Variants in PTPRU observed in about 807,000 individuals in gnomAD.
PTPRU encodes receptor-type tyrosine-protein phosphatase U.
In PTPRU, 69 loss-of-function variants were observed where a neutral mutation model predicts 166.3. The observed-to-expected ratio is 0.41, with a 90% confidence interval of 0.34 to 0.51. The LOEUF (loss-of-function observed/expected upper bound fraction) is 0.51, where lower values mean the gene tolerates loss of function less well. Ranked by LOEUF, PTPRU falls within the 20% of genes least tolerant of loss-of-function variation. The pLI is 0.09. For synonymous variants in PTPRU, 793 were observed against 814.0 expected, an observed-to-expected ratio of 0.97 and a Z score of 0.44; for missense variants, 1,657 against 2,013.7, an observed-to-expected ratio of 0.82 and a Z score of 3.39.
chr1:29,275,453 A>T lies in PTPRU; in HGVS notation c.1150A>T (p.Met384Leu), dbSNP rs774180157. The change falls in exon 8 of 30, where the codon ATG becomes TTG. Residue 384 changes from methionine (M) to leucine (L), a missense_variant. Met to Leu is a conservative substitution (Grantham distance 15). Transcript: ENST00000373779. ...LISRTKCAEPMRAPKGLAFAE... is the reference protein window; with the variant it reads ...LISRTKCAEPLRAPKGLAFAE... ...CTGCTTCCTGCATTCTCCAGAGCCCATGAGGGCCCCCAAAGGCCTGGCTTT... is the reference window on the plus strand; with the variant it reads ...CTGCTTCCTGCATTCTCCAGAGCCCTTGAGGGCCCCCAAAGGCCTGGCTTT... 4.3e-6 allele frequency: 7 copies of T among 1,612,458 alleles called. No individual in the cohort carries two copies. Among genetic ancestry groups the T allele is most frequent in the Non-Finnish European group, 5.9e-6 (7 of 1,178,594 alleles).
Position 29,325,501 on chromosome 1 carries a change from C to T in PTPRU, c.4249-98C>T, listed in dbSNP as rs367827950. 303 of 1,513,658 alleles carry T rather than the reference C, an allele frequency of 2.0e-4. 1 individual carries two copies. In the East Asian group the frequency reaches 3.8e-3, roughly 19 times the overall value. 93.8% of individuals were successfully genotyped at this position (1,513,658 alleles called of 1,614,324 possible). A position where few individuals can be genotyped will look rare whatever the true frequency, so the allele number is the denominator to read the frequency against. The stretch of plus-strand genomic sequence containing the variant: ...TTCTCCCCGAGGGCGGGCCTGGGCT[C>T]GGGCTCGTGCTTGCCCTCTCACTCC... On this transcript the variant is annotated intron_variant, in intron 29 of 29. Transcript: ENST00000373779.
Position 29,260,749 on chromosome 1 carries a change from C to T in PTPRU, c.990C>T (p.Pro330=). 6.2e-7 allele frequency: 1 copy of T among 1,612,170 alleles called. No individual in the cohort carries two copies. Among genetic ancestry groups the T allele is most frequent in the South Asian group, 1.1e-5 (1 of 90,870 alleles). ...KEIEYRMARG[P]WAEVHAVSLQ... is the part of the protein sequence containing the mutation. ...TTGAGTACCGCATGGCGCGCGGGCC[C>T]TGGGCTGAGGTGCACGCCGTCAGCC... Residue 330 remains proline, a synonymous_variant, in exon 7 of 30, where the codon CCC becomes CCT. Transcript: ENST00000373779. The surrounding 1 kb of genome is among the most constrained non-coding windows in gnomAD (Gnocchi z 8.3).
intron 7 of PTPRU, among the ~76,000 whole-genome samples, chr1:29,263,884 T>C (rs1026216588): frequency 2.0e-5 from 3 of 152,122 alleles, no homozygotes; most frequent in Non-Finnish European, 4.4e-5. Flanking sequence ...ATTTATATAT[T>C]CTGAGTAGGC....
chr1:29,253,228 C>G (rs1261601057), intron 1 of PTPRU, among the ~76,000 whole-genome samples: 1 of 152,226 alleles, frequency 6.6e-6, no homozygotes, highest in African/African-American at 2.4e-5. Context: ...GTTCAGCTGT[C>G]TGGAAGCTCT....
chr1:29,305,101 C>T (rs796944946), intron 17 of PTPRU, among the ~76,000 whole-genome samples: 13 of 152,320 alleles, frequency 8.5e-5, no homozygotes, highest in African/African-American at 3.1e-4. Context: ...AAGATTCCTG[C>T]TTAAGGTCTC....
chr1:29,253,876 C>G (rs947175153), intron 1 of PTPRU, among the ~76,000 whole-genome samples: 1 of 151,938 alleles, frequency 6.6e-6, no homozygotes, highest in South Asian at 2.1e-4. Context: ...GTATGCTAGG[C>G]GTTGTGCTAA....
chr1:29,302,147 G>A (rs1275522481), intron 15 of PTPRU, among the ~76,000 whole-genome samples: 3 of 142,510 alleles, frequency 2.1e-5, no homozygotes, highest in African/African-American at 8.4e-5. Context: ...CTAGGCTAAT[G>A]TGTATGTGTG....
At chr1:29,276,165 T>A (rs889188145) in intron 8 of PTPRU, among the ~76,000 whole-genome samples, 8 of 152,234 alleles carry the variant, frequency 5.3e-5, no homozygotes, top group African/African-American at 1.9e-4. Flanking sequence ...TAATTTTTTT[T>A]ATTTATTTAG....
In PTPRU at chr1:29,311,505, G is replaced by A; in HGVS notation, c.2907G>A (p.Glu969=). 1.2e-6 allele frequency: 2 copies of A among 1,614,202 alleles called. No individual in the cohort carries two copies. The highest frequency in any genetic ancestry group is 1.1e-5 in the South Asian group (1 of 91,086). ...ACTTCTGGCGTATGGTGTGGCAGGAGCACTGTTCCAGCATCGTCATGATCA... is the reference window on the plus strand; with the variant it reads ...ACTTCTGGCGTATGGTGTGGCAGGAACACTGTTCCAGCATCGTCATGATCA... ...VYDFWRMVWQ[E]HCSSIVMITK... is the part of the protein sequence containing the mutation. Residue 969 remains glutamate (E), a synonymous_variant, in exon 20 of 30, where the codon GAG becomes GAA. Coordinates refer to ENST00000373779, the MANE Select transcript of PTPRU (RefSeq NM_133178.4). The surrounding 1 kb of genome is among the most constrained non-coding windows in gnomAD (Gnocchi z 4.1).
At position 29,325,317 on chromosome 1, in the gene PTPRU, G is replaced by A; in HGVS notation, c.4239G>A (p.Val1413=). Residue 1413 remains valine, a synonymous_variant, in exon 29 of 30, where the codon GTG becomes GTA. Coordinates refer to ENST00000373779, the MANE Select transcript of PTPRU (RefSeq NM_133178.4). ...KTLRNYKPNM[V]ETMDQYHFCY... ...TCCGGAACTACAAACCCAACATGGT[G>A]GAGACCATGGTGAGGGGCTGTGTCC... is the stretch of plus-strand genomic sequence containing the variant. 6.2e-7 allele frequency: 1 copy of A among 1,614,096 alleles called. No individual in the cohort carries two copies.
intron 18 of PTPRU, among the ~76,000 whole-genome samples, chr1:29,307,460 G>A (rs1444303636): frequency 6.6e-6 from 1 of 152,244 alleles, no homozygotes; most frequent in Non-Finnish European, 1.5e-5. Flanking sequence ...TTCCTTCCCT[G>A]GCTCCGCCAT....
At position 29,317,688 on chromosome 1, in the gene PTPRU, TGTGA is replaced by T; in HGVS notation, c.3514-58_3514-55del. On this transcript the variant is annotated intron_variant, in intron 24 of 29. Transcript: ENST00000373779. This position sits in a 1 kb window ranked among gnomAD's most constrained non-coding sequence, Gnocchi z 5.6. The stretch of plus-strand genomic sequence containing the variant: ...CTCAGTCCAGCCTCCTTCATGGGGA[TGTGA>T]GGAGGCCCAGCAAGCCCTGGACGTA... The T allele has an allele frequency of 6.7e-7, 1 of 1,488,320 alleles. No homozygotes were observed. The highest frequency in any genetic ancestry group is 9.1e-7 in the Non-Finnish European group (1 of 1,100,306). The allele number at this position is 1,488,320 out of a possible 1,614,324, so 92.2% of individuals were successfully genotyped here. A position where few individuals can be genotyped will look rare whatever the true frequency, so the allele number is the denominator to read the frequency against.
intron 1 of PTPRU, among the ~76,000 whole-genome samples, chr1:29,248,217 A>G (rs1440567854): frequency 6.6e-6 from 1 of 152,048 alleles, no homozygotes; most frequent in Admixed American, 6.6e-5. Flanking sequence ...ATGGGGTTCA[A>G]ATGCATGAGA....
chr1:29,297,708 A>C (rs1423345699), intron 15 of PTPRU, among the ~76,000 whole-genome samples: 1 of 152,130 alleles, frequency 6.6e-6, no homozygotes, highest in African/African-American at 2.4e-5. Context: ...CTAACCGCTG[A>C]GTCTTGCTGA....
intron 1 of PTPRU, among the ~76,000 whole-genome samples, chr1:29,249,871 T>C (rs1000770838): frequency 2.6e-5 from 4 of 152,212 alleles, no homozygotes; most frequent in Admixed American, 6.5e-5. Flanking sequence ...AAACACCTAC[T>C]GTGGCTTCTC....
intron 15 of PTPRU, among the ~76,000 whole-genome samples, chr1:29,294,618 T>C (rs1205558009): frequency 6.6e-6 from 1 of 152,222 alleles, no homozygotes; most frequent in Non-Finnish European, 1.5e-5. Flanking sequence ...TTTCTACTTT[T>C]TGTGTTTTTT....
Position 29,291,816 on chromosome 1 carries a change from G to T in PTPRU, c.2319-53G>T. ...CCAGGGCCTCCCCAGCCACCTCTGG[G>T]TGCTGTCCAGCCCCACACAATGCCT... On this transcript the variant is annotated intron_variant, in intron 14 of 29. Transcript: ENST00000373779. This position sits in a 1 kb window ranked among gnomAD's most constrained non-coding sequence, Gnocchi z 4.1. 4 of 1,592,650 alleles carry T rather than the reference G, an allele frequency of 2.5e-6. No homozygotes were observed. Among genetic ancestry groups the T allele is most frequent in the Non-Finnish European group, 3.4e-6 (4 of 1,167,448 alleles).
intron 1 of PTPRU, among the ~76,000 whole-genome samples, chr1:29,252,833 C>T (rs886958993): frequency 2.6e-5 from 4 of 152,166 alleles, no homozygotes; most frequent in African/African-American, 9.7e-5. Context: ...TGTGTGGGGG[C>T]TTCTCCCCAC....
In PTPRU at chr1:29,315,020, T is replaced by C. The variant is rs919950187; in HGVS notation, c.3228-352T>C. On this transcript the variant is annotated intron_variant, in intron 22 of 29. Transcript: ENST00000373779. This position sits in a 1 kb window ranked among gnomAD's most constrained non-coding sequence, Gnocchi z 4.5. ...GGCTTTTCAAGGATGTGTAGGAGATTTGGTGGTTTTCAGGAGGAAAGAACA... is the reference window on the plus strand; with the variant it reads ...GGCTTTTCAAGGATGTGTAGGAGATCTGGTGGTTTTCAGGAGGAAAGAACA... Among the ~76,000 whole-genome samples, 4 of 152,094 alleles carry C rather than the reference T, an allele frequency of 2.6e-5. No individual in the cohort carries two copies. The highest frequency in any genetic ancestry group is 4.4e-5 in the Non-Finnish European group (3 of 68,006).
Sources: gnomAD v4.1 joint callset for allele counts (sites outside exome capture counted in the v4.1 genomes callset) on GRCh38, gnomAD v4.1.1 for gene constraint, Gnocchi (gnomAD v3.1) non-coding constraint, MANE v1.5 for transcripts, NCBI Gene and HGNC (gene_info 2026-07-23, HGNC 2026-07-21) for gene names.